Variants in SUPT3H observed in about 807,000 individuals in gnomAD.
The protein encoded by SUPT3H is transcription initiation protein SPT3 homolog.
Under a neutral mutation model 44.3 loss-of-function variants are expected in SUPT3H, and 44 were observed. The observed-to-expected ratio is 0.99, with a 90% confidence interval of 0.78 to 1.28. The LOEUF is 1.28. Ranked by LOEUF, SUPT3H falls within the 50% of genes most tolerant of loss-of-function variation. The pLI, the probability that SUPT3H is intolerant of heterozygous loss-of-function variation, is 0.00. For missense variants in SUPT3H, 380 were observed against 387.1 expected (o/e 0.98, Z 0.15); for synonymous variants, 124 against 125.6 (o/e 0.99, Z 0.09).
At chr6:44,915,805 GT>G (rs756320510) in intron 10 of SUPT3H, among the ~76,000 whole-genome samples, 14 of 152,098 alleles carry the variant, frequency 9.2e-5, no homozygotes, top group Non-Finnish European at 1.8e-4. Flanking sequence ...ACTTCAAGGT[GT>G]CCCGCCTTTC....
chr6:45,185,461 A>C (rs940942831), intron 2 of SUPT3H, among the ~76,000 whole-genome samples: 1 of 152,216 alleles, frequency 6.6e-6, no homozygotes, highest in Non-Finnish European at 1.5e-5. Context: ...ACCCAACAAA[A>C]ATAAAGTGGG....
At chr6:45,208,741 AC>A (rs67181663) in intron 2 of SUPT3H, among the ~76,000 whole-genome samples, 122,843 of 144,264 alleles carry the variant, frequency 0.85, 52,728 homozygotes, top group African/African-American at 0.89. Context: ...AAAAAAACAA[AC>A]AAAAAAATTC....
chr6:45,178,507 G>A (rs1201176797), intron 2 of SUPT3H, among the ~76,000 whole-genome samples: 2 of 151,774 alleles, frequency 1.3e-5, no homozygotes, highest in African/African-American at 2.4e-5. Context: ...ACAGATCAAC[G>A]AGACAGACAG....
At chr6:44,894,146 C>T (rs62438022) in intron 10 of SUPT3H, among the ~76,000 whole-genome samples, 13 of 131,506 alleles carry the variant, frequency 9.9e-5, no homozygotes, top group African/African-American at 3.0e-4. Context: ...GAGTAGGTTG[C>T]GAAAATTTTC....
intron 2 of SUPT3H, among the ~76,000 whole-genome samples, chr6:45,165,422 T>C (rs1360834837): frequency 6.6e-6 from 1 of 152,218 alleles, no homozygotes; most frequent in Non-Finnish European, 1.5e-5. Context: ...GCACAATCTA[T>C]ACTGTTCATT....
At chr6:45,233,914 T>C (rs190562319) in intron 2 of SUPT3H, among the ~76,000 whole-genome samples, 5 of 152,276 alleles carry the variant, frequency 3.3e-5, no homozygotes, top group African/African-American at 1.2e-4. Flanking sequence ...AAAATAGATG[T>C]CCTTTATTGG....
intron 2 of SUPT3H, among the ~76,000 whole-genome samples, chr6:45,198,611 T>C (rs1350922993): frequency 2.0e-5 from 3 of 151,400 alleles, no homozygotes; most frequent in Non-Finnish European, 4.5e-5. Flanking sequence ...CAATGTCTCA[T>C]CTGTAACAAC....
chr6:44,928,875 T>C (rs1769984362), intron 10 of SUPT3H, among the ~76,000 whole-genome samples: 1 of 22,034 alleles, frequency 4.5e-5, no homozygotes, highest in Non-Finnish European at 6.3e-5. Context: ...AGAACGAGAC[T>C]CCGTCTCAAA....
chr6:45,329,373 A>G (rs2150070386), intron 2 of SUPT3H, among the ~76,000 whole-genome samples: 1 of 152,098 alleles, frequency 6.6e-6, no homozygotes, highest in South Asian at 2.1e-4. Flanking sequence ...TTATATAAGT[A>G]TACATTCAGC....
At chr6:44,917,577 G>C (rs519122) in intron 10 of SUPT3H, among the ~76,000 whole-genome samples, 149,201 of 152,302 alleles carry the variant, frequency 0.98, 73,090 homozygotes, top group Middle Eastern at 1. Context: ...ATGACTGACA[G>C]ACTCTTGAGA....
intron 10 of SUPT3H, among the ~76,000 whole-genome samples, chr6:44,887,082 T>A (rs1307258885): frequency 1.3e-5 from 2 of 152,132 alleles, no homozygotes; most frequent in Non-Finnish European, 2.9e-5. Flanking sequence ...ACTAAATATA[T>A]ATGCACCCAA....
At chr6:45,122,916 C>T (rs1299130072) in intron 2 of SUPT3H, among the ~76,000 whole-genome samples, 3 of 152,148 alleles carry the variant, frequency 2.0e-5, no homozygotes, top group Non-Finnish European at 4.4e-5. Flanking sequence ...CTATTTTCAG[C>T]TTCATCATTA....
chr6:45,298,519 CTCTT>C (rs1781636970), intron 2 of SUPT3H, among the ~76,000 whole-genome samples: 1 of 151,542 alleles, frequency 6.6e-6, no homozygotes, highest in South Asian at 2.1e-4. Flanking sequence ...AAAATGTTAT[CTCTT>C]TTTTTTTTTT....
intron 2 of SUPT3H, among the ~76,000 whole-genome samples, chr6:45,196,701 T>A (rs1312047670): frequency 1.3e-5 from 2 of 151,944 alleles, no homozygotes; most frequent in African/African-American, 4.8e-5. Context: ...TTTCAGAATA[T>A]TATGCTTTCT....
intron 10 of SUPT3H, among the ~76,000 whole-genome samples, chr6:44,830,864 G>A (rs1344028763): frequency 1.3e-5 from 2 of 151,712 alleles, no homozygotes; most frequent in Non-Finnish European, 2.9e-5. Context: ...CCAGCCCAAT[G>A]AATTAACCTT....
intron 3 of SUPT3H, among the ~76,000 whole-genome samples, chr6:45,078,415 C>T (rs1361331834): frequency 6.6e-6 from 1 of 152,094 alleles, no homozygotes; most frequent in African/African-American, 2.4e-5. Flanking sequence ...GACCTTAAAC[C>T]TTCATATTAG....
intron 9 of SUPT3H, among the ~76,000 whole-genome samples, chr6:44,944,207 AGTATACT>A (rs1362344867): frequency 1.3e-5 from 2 of 152,156 alleles, no homozygotes; most frequent in Non-Finnish European, 2.9e-5. Flanking sequence ...ATAACTCCCA[AGTATACT>A]GAACATTTAA....
intron 3 of SUPT3H, among the ~76,000 whole-genome samples, chr6:45,096,533 A>T (rs925651884): frequency 3.9e-5 from 6 of 152,216 alleles, no homozygotes; most frequent in African/African-American, 9.6e-5. Flanking sequence ...CACAGGCCTA[A>T]GTGAAGCACT....
At chr6:44,832,449 A>G (rs1448419311) in intron 10 of SUPT3H, among the ~76,000 whole-genome samples, 1 of 152,098 alleles carries the variant, frequency 6.6e-6, no homozygotes, top group Non-Finnish European at 1.5e-5. Flanking sequence ...ACTTCCACCC[A>G]CTACTGAAAA....
Sources: gnomAD v4.1 joint callset for allele counts (sites outside exome capture counted in the v4.1 genomes callset) on GRCh38, gnomAD v4.1.1 for gene constraint, MANE v1.5 for transcripts, NCBI Gene and HGNC (gene_info 2026-07-23, HGNC 2026-07-21) for gene names.